The following FAF1 variants were observed in gnomAD, a reference collection of about 807,000 sequenced individuals.
FAF1 encodes FAS-associated factor 1.
Under a neutral mutation model 92.5 loss-of-function variants are expected in FAF1, and 25 were observed. That is an observed-to-expected ratio of 0.27 (90% CI 0.20 to 0.38). The LOEUF (loss-of-function observed/expected upper bound fraction) is 0.38, where lower values mean the gene tolerates loss of function less well. Among genes scored for constraint, FAF1 ranks in the 10% least tolerant of loss-of-function variants. FAF1 has a pLI of 1.00. For synonymous variants in FAF1, 234 were observed against 273.2 expected (o/e 0.86, Z 1.42); for missense variants, 636 against 793.3 (o/e 0.80, Z 2.38).
Position 50,490,045 on chromosome 1 carries a change from G to T in FAF1, c.1653+543C>A, listed in dbSNP as rs545672502. 9.9e-5 allele frequency among the ~76,000 whole-genome samples: 15 copies of T among 152,268 alleles called. No individual in the cohort carries two copies. The South Asian group carries it at 2.9e-3, about 29-fold the overall frequency. On this transcript the variant is annotated intron_variant, in intron 17 of 18. Coordinates refer to ENST00000396153, the MANE Select transcript of FAF1 (RefSeq NM_007051.3). ...AAAATGAGTCTAGGAAAAGTAGAGA[G>T]AAATAAGTTGTAAGAAATATTAACA...
At chr1:50,955,178 T>TA (rs1373410314) in intron 1 of FAF1, among the ~76,000 whole-genome samples, 1 of 152,004 alleles carries the variant, frequency 6.6e-6, no homozygotes, top group Non-Finnish European at 1.5e-5. Context: ...TACTTCAGCC[T>TA]AAAAAAAAGT....
intron 7 of FAF1, among the ~76,000 whole-genome samples, chr1:50,669,291 A>AT (rs1168949576): frequency 6.6e-6 from 1 of 152,180 alleles, no homozygotes; most frequent in Non-Finnish European, 1.5e-5. Context: ...GGAGGCTTCC[A>AT]TAAAAAAAAA....
In FAF1 at chr1:50,576,802, C is replaced by T. The variant is rs1650764585; in HGVS notation, c.1113+5816G>A. 2.0e-5 allele frequency among the ~76,000 whole-genome samples: 3 copies of T among 151,286 alleles called. No individual in the cohort carries two copies. In the South Asian group the frequency reaches 6.2e-4, roughly 32 times the overall value. On this transcript the variant is annotated intron_variant, in intron 12 of 18. Coordinates refer to ENST00000396153, the MANE Select transcript of FAF1 (RefSeq NM_007051.3). ...GGACCATAAGCACATGCCACCGCAC[C>T]TGACTAACTGTTTTTGTTTGTTCGT...
intron 8 of FAF1, among the ~76,000 whole-genome samples, chr1:50,625,744 C>T (rs1467440824): frequency 6.6e-6 from 1 of 152,046 alleles, no homozygotes; most frequent in African/African-American, 2.4e-5. Context: ...GGAAGGGAGG[C>T]ACTGATCAGA....
chr1:50,653,716 A>G (rs920073855), intron 8 of FAF1, among the ~76,000 whole-genome samples: 2 of 152,136 alleles, frequency 1.3e-5, no homozygotes, highest in African/African-American at 4.8e-5. Context: ...ACATACAAAA[A>G]TTACCCGGGT....
chr1:50,502,431 G>A (rs1396527327), intron 15 of FAF1, among the ~76,000 whole-genome samples: 3 of 152,178 alleles, frequency 2.0e-5, no homozygotes, highest in African/African-American at 4.8e-5. Flanking sequence ...AAATTATGAT[G>A]GTCACATACA....
At chr1:50,491,682 A>T in intron 16 of FAF1, 39 bp downstream of exon 16, 1 of 1,436,060 alleles carries the variant, frequency 7.0e-7, no homozygotes, top group African/African-American at 1.4e-5. Context: ...ATAATGAACA[A>T]TTGAGTTCTT....
chr1:50,624,141 GAC>G (rs1322873008), intron 8 of FAF1, among the ~76,000 whole-genome samples: 20 of 152,142 alleles, frequency 1.3e-4, no homozygotes, highest in African/African-American at 4.6e-4. Flanking sequence ...TCCTAGTCCA[GAC>G]ACAACTTTCG....
At chr1:50,564,955 GT>G (rs1003291097) in intron 13 of FAF1, among the ~76,000 whole-genome samples, 122 of 146,246 alleles carry the variant, frequency 8.3e-4, no homozygotes, top group East Asian at 1.8e-3. Context: ...AATTTTATTT[GT>G]TTTTTTTTTA....
At chr1:50,488,646 G>GT (rs1294373722) in intron 17 of FAF1, among the ~76,000 whole-genome samples, 2 of 152,160 alleles carry the variant, frequency 1.3e-5, no homozygotes, top group Non-Finnish European at 2.9e-5. Context: ...ATGATATAGG[G>GT]TTTTGTACTG....
chr1:50,856,263 T>C (rs1187384195), intron 2 of FAF1, among the ~76,000 whole-genome samples: 1 of 151,716 alleles, frequency 6.6e-6, no homozygotes, highest in Non-Finnish European at 1.5e-5. Context: ...ACCACCCCAA[T>C]AACTTCCATC....
intron 1 of FAF1, among the ~76,000 whole-genome samples, chr1:50,939,173 G>A (rs1424542153): frequency 2.0e-5 from 3 of 152,126 alleles, no homozygotes; most frequent in Admixed American, 6.5e-5. Flanking sequence ...CCATTTTAAT[G>A]CTATTCATTC....
At chr1:50,648,988 T>C (rs1654725430) in intron 8 of FAF1, among the ~76,000 whole-genome samples, 1 of 152,110 alleles carries the variant, frequency 6.6e-6, no homozygotes, top group Non-Finnish European at 1.5e-5. Context: ...TTCAATACGT[T>C]GGCCAGGCTG....
At chr1:50,952,428 G>A (rs1408435724) in intron 1 of FAF1, among the ~76,000 whole-genome samples, 1 of 152,224 alleles carries the variant, frequency 6.6e-6, no homozygotes, top group African/African-American at 2.4e-5. Context: ...TGCCCAGGCT[G>A]GAGTGCAGTG....
At chr1:50,479,970 G>C (rs1349244312) in intron 17 of FAF1, among the ~76,000 whole-genome samples, 2 of 152,128 alleles carry the variant, frequency 1.3e-5, no homozygotes, top group Non-Finnish European at 2.9e-5. Context: ...CCTCCTGTAA[G>C]CAAACACTGT....
At chr1:50,618,414 G>GTTTTTTTT (rs540421778) in intron 8 of FAF1, among the ~76,000 whole-genome samples, 17 of 111,896 alleles carry the variant, frequency 1.5e-4, no homozygotes, top group Admixed American at 3.0e-4. Context: ...AGTTTTTAGA[G>GTTTTTTTT]TTTTTTTTTT....
intron 1 of FAF1, among the ~76,000 whole-genome samples, chr1:50,941,915 A>G (rs570696432): frequency 1.3e-5 from 2 of 152,294 alleles, no homozygotes; most frequent in Non-Finnish European, 2.9e-5. Context: ...AAAACCATGT[A>G]TTTCTTTTTT....
At chr1:50,620,106 A>T (rs1653120600) in intron 8 of FAF1, among the ~76,000 whole-genome samples, 1 of 151,942 alleles carries the variant, frequency 6.6e-6, no homozygotes, top group Non-Finnish European at 1.5e-5. Flanking sequence ...ACAGGGTTTC[A>T]CTATGTTGGC....
intron 2 of FAF1, among the ~76,000 whole-genome samples, chr1:50,856,502 T>C (rs764847159): frequency 1.3e-5 from 2 of 151,746 alleles, no homozygotes; most frequent in Non-Finnish European, 3.0e-5. Context: ...ATACAAATAT[T>C]TGTAAATTTT....
Sources: allele counts gnomAD v4.1 joint callset (sites outside exome capture counted in the v4.1 genomes callset), GRCh38; gene constraint gnomAD v4.1.1; transcripts MANE v1.5; gene names NCBI Gene and HGNC (gene_info 2026-07-23, HGNC 2026-07-21).